STT3A: variants seen among roughly 807,000 people sequenced by gnomAD.
STT3A encodes dolichyl-diphosphooligosaccharide--protein glycosyltransferase subunit STT3A.
A neutral mutation model predicts 89.2 loss-of-function variants in STT3A; 34 were observed. That is an observed-to-expected ratio of 0.38 (90% CI 0.29 to 0.51). The LOEUF (loss-of-function observed/expected upper bound fraction) is 0.51. Ranked by LOEUF, STT3A falls within the 20% of genes least tolerant of loss-of-function variation. STT3A has a pLI of 0.89. For synonymous variants in STT3A, 282 were observed against 310.3 expected (o/e 0.91, Z 0.96); for missense variants, 555 against 889.5 (o/e 0.62, Z 4.78).
chr11:125,595,279 A>C (rs979602325), intron 1 of STT3A, among the ~76,000 whole-genome samples: 4 of 151,140 alleles, frequency 2.6e-5, no homozygotes, highest in Non-Finnish European at 5.9e-5. Flanking sequence ...CAGCCTCCTG[A>C]GTAGCTGGGA....
intron 2 of STT3A, among the ~76,000 whole-genome samples, chr11:125,596,205 C>T (rs1490166392): frequency 6.6e-6 from 1 of 152,184 alleles, no homozygotes; most frequent in Non-Finnish European, 1.5e-5. Flanking sequence ...TGGTTCACGC[C>T]TGTAATCCCA....
intron 15 of STT3A, among the ~76,000 whole-genome samples, chr11:125,615,834 T>G (rs1167394029): frequency 1.3e-5 from 2 of 152,182 alleles, no homozygotes; most frequent in Non-Finnish European, 2.9e-5. Context: ...GTCAGGAGTT[T>G]GAGACCAGCC....
In STT3A at chr11:125,604,162, A is replaced by G; in HGVS notation, c.423A>G (p.Ala141=). Residue 141 remains alanine, a synonymous_variant, in exon 6 of 18, where the codon GCA becomes GCG. Coordinates refer to ENST00000392708, the MANE Select transcript of STT3A (RefSeq NM_152713.5). Reference sequence around the variant, plus strand: ...TTACCCTTTTTTTCTTACAGGATGCAGGGGCTGGGCTTCTTGCTGCTGCCA... The same window carrying G: ...TTACCCTTTTTTTCTTACAGGATGCGGGGGCTGGGCTTCTTGCTGCTGCCA... The part of the protein sequence containing the change: ...TYHLTKELKD[A]GAGLLAAAMI... 6.2e-7 allele frequency: 1 copy of G among 1,613,912 alleles called. No individual in the cohort carries two copies. Among genetic ancestry groups the G allele is most frequent in the Non-Finnish European group, 8.5e-7 (1 of 1,179,884 alleles).
In STT3A at chr11:125,620,083, A is replaced by G. The variant is rs944764330; in HGVS notation, c.2036A>G (p.Glu679Gly). ...AAAGACTTTGAGCTTGATGTCCTGG[A>G]GGAAGCATATACCACAGAACATTGG... ...GNKDFELDVL[E>G]EAYTTEHWLV... The change falls in exon 17 of 18, where the codon GAG (glutamate) becomes GGG (glycine). Residue 679 changes from glutamate to glycine, a missense_variant. By Grantham distance (98) the Glu-to-Gly change is moderately conservative. Transcript: ENST00000392708. 6.2e-7 allele frequency: 1 copy of G among 1,614,058 alleles called. No individual in the cohort carries two copies. Among genetic ancestry groups the G allele is most frequent in the Non-Finnish European group, 8.5e-7 (1 of 1,180,024 alleles).
intron 1 of STT3A, chr11:125,593,311 C>T (rs1421878490): frequency 2.0e-5 from 3 of 152,082 alleles, no homozygotes; most frequent in African/African-American, 7.3e-5. Context: ...AGTAAAAGAT[C>T]GTGAGAGGGT....
chr11:125,618,346 G>C, intron 15 of STT3A, 27 bp from the exon 16 acceptor site: 1 of 1,553,064 alleles, frequency 6.4e-7, no homozygotes, highest in Non-Finnish European at 8.7e-7. Context: ...TTGTGATGCA[G>C]CAGTTCTTTT....
rs561636349 is a variant in STT3A at position 125,599,346 on chromosome 11, C to T, written c.149+2227C>T. ...GGGTTAGAGAGGTGGGCAGAGAGGACGGTTAGTCATGATTATCCATAGTAA... is the reference window on the plus strand; with the variant it reads ...GGGTTAGAGAGGTGGGCAGAGAGGATGGTTAGTCATGATTATCCATAGTAA... On this transcript the variant is annotated intron_variant, in intron 3 of 17. Coordinates refer to ENST00000392708, the MANE Select transcript of STT3A (RefSeq NM_152713.5). 5.9e-5 allele frequency among the ~76,000 whole-genome samples: 9 copies of T among 152,280 alleles called. No homozygotes were observed. The East Asian group carries it at 9.6e-4, about 16-fold the overall frequency.
At position 125,605,795 on chromosome 11, in the gene STT3A, G is replaced by A. The variant is rs1939816799; in HGVS notation, c.615+60G>A. On this transcript the variant is annotated intron_variant, in intron 7 of 17. Transcript: ENST00000392708. Reference sequence around the variant, plus strand: ...TCTCTAAATACTGTATTTCCTATGGGTACTTATTGTTTGACCAACTTTCTT... The same window carrying A: ...TCTCTAAATACTGTATTTCCTATGGATACTTATTGTTTGACCAACTTTCTT... 7 of 1,412,098 alleles carry A rather than the reference G, an allele frequency of 5.0e-6. No homozygotes were observed. In the Admixed American group the frequency reaches 6.3e-5, roughly 13 times the overall value. The allele number at this position is 1,412,098 out of a possible 1,614,324, so 87.5% of individuals were successfully genotyped here. A position where few individuals can be genotyped will look rare whatever the true frequency, so the allele number is the denominator to read the frequency against.
At chr11:125,596,777 G>C (rs1315451947) in intron 2 of STT3A, among the ~76,000 whole-genome samples, 1 of 152,146 alleles carries the variant, frequency 6.6e-6, no homozygotes, top group African/African-American at 2.4e-5. Flanking sequence ...AGATGACCAT[G>C]TAAGTTGAGT....
intron 3 of STT3A, among the ~76,000 whole-genome samples, chr11:125,600,819 C>G (rs1939649979): frequency 6.6e-6 from 1 of 152,126 alleles, no homozygotes; most frequent in Non-Finnish European, 1.5e-5. Context: ...AAGGGTCTTG[C>G]TCTGTTGCCC....
chr11:125,605,084 G>A (rs183611454), intron 6 of STT3A, among the ~76,000 whole-genome samples: 2 of 151,740 alleles, frequency 1.3e-5, no homozygotes, highest in African/African-American at 4.8e-5. Context: ...TAGTAATAGA[G>A]CAAGACCCTG....
intron 1 of STT3A, chr11:125,594,921 T>C (rs1482465637): frequency 2.0e-5 from 3 of 152,152 alleles, no homozygotes; most frequent in Non-Finnish European, 2.9e-5. Context: ...TGAGCAGTCG[T>C]TACAGTCTGA....
chr11:125,605,138 A>G (rs891187763), intron 6 of STT3A, among the ~76,000 whole-genome samples: 5 of 64,644 alleles, frequency 7.7e-5, no homozygotes, highest in African/African-American at 1.9e-4. Context: ...TTTTTTTAAG[A>G]AAAAAAAAAA....
At position 125,613,344 on chromosome 11, in the gene STT3A, G is replaced by T. The variant is rs1436587719; in HGVS notation, c.1554+167G>T. ...AAAGGTGAACCTCCATTCAATTCTG[G>T]GATCTTTTGTAGTTACTCTTACTAG... On this transcript the variant is annotated intron_variant, in intron 13 of 17. Transcript: ENST00000392708. The surrounding 1 kb of genome is among the most constrained non-coding windows in gnomAD (Gnocchi z 4.2). Among the ~76,000 whole-genome samples the T allele has an allele frequency of 6.6e-6, 1 of 152,012 alleles. No homozygotes were observed.
Position 125,610,288 on chromosome 11 carries a change from C to T in STT3A, c.1117+699C>T, listed in dbSNP as rs576292237. On this transcript the variant is annotated intron_variant, in intron 10 of 17. Transcript: ENST00000392708. ...CCATGTTGCCCAGGCTGGTCTTGAA[C>T]TCATGGGCTCAAGCAGTCTGCTCAC... Among the ~76,000 whole-genome samples, 30 of 152,216 alleles carry T rather than the reference C, an allele frequency of 2.0e-4. No individual in the cohort carries two copies. The South Asian group carries it at 5.8e-3, about 29-fold the overall frequency.
At position 125,614,484 on chromosome 11, in the gene STT3A, A is replaced by ATATTC; in HGVS notation, c.1774+58_1774+59insTATTC. 2 of 1,482,294 alleles carry ATATTC rather than the reference A, an allele frequency of 1.3e-6. No homozygotes were observed. Among genetic ancestry groups the ATATTC allele is most frequent in the Non-Finnish European group, 1.9e-6 (2 of 1,071,478 alleles). The allele number at this position is 1,482,294 out of a possible 1,614,324, so 91.8% of individuals were successfully genotyped here. A position where few individuals can be genotyped will look rare whatever the true frequency, so the allele number is the denominator to read the frequency against. ...ACATAGATTCTAAGAAAACTAGATG[A>ATATTC]ATATCCTAGTTTTCTGTACTTTTAC... On this transcript the variant is annotated intron_variant, in intron 15 of 17. Transcript: ENST00000392708. This position sits in a 1 kb window ranked among gnomAD's most constrained non-coding sequence, Gnocchi z 4.9.
chr11:125,612,563 A>G (rs750256104), intron 11 of STT3A, 29 bp from the exon 12 acceptor site: 16 of 1,606,802 alleles, frequency 1.0e-5, no homozygotes, highest in Non-Finnish European at 2.5e-6. Context: ...AACACTGATT[A>G]GACTGATCAT....
chr11:125,601,955 T>G (rs1939694704), intron 3 of STT3A, among the ~76,000 whole-genome samples: 1 of 151,986 alleles, frequency 6.6e-6, no homozygotes, highest in South Asian at 2.1e-4. Context: ...CATGCCACCG[T>G]GCCCAGCTAA....
At chr11:125,620,351 T>C (rs1423169218) in intron 17 of STT3A, among the ~76,000 whole-genome samples, 1 of 152,190 alleles carries the variant, frequency 6.6e-6, no homozygotes, top group Non-Finnish European at 1.5e-5. Context: ...AGTGATACTT[T>C]TCCAGCTGGG....
Sources: gnomAD v4.1 joint callset for allele counts (sites outside exome capture counted in the v4.1 genomes callset) on GRCh38, gnomAD v4.1.1 for gene constraint, Gnocchi (gnomAD v3.1) non-coding constraint, MANE v1.5 for transcripts, NCBI Gene and HGNC (gene_info 2026-07-23, HGNC 2026-07-21) for gene names.